The following OSBPL3 variants were observed in gnomAD, a reference collection of about 807,000 sequenced individuals.
OSBPL3 encodes oxysterol binding protein like 3.
Under a neutral mutation model 120.1 loss-of-function variants are expected in OSBPL3, and 65 were observed. The ratio of observed to expected loss-of-function variants is 0.54; its 90% CI spans 0.44 to 0.67. The LOEUF (loss-of-function observed/expected upper bound fraction) is 0.67. OSBPL3 is among the 30% of genes least tolerant of loss of function. OSBPL3 has a pLI of 0.00. For synonymous variants in OSBPL3, 416 were observed against 402.6 expected, an observed-to-expected ratio of 1.03 and a Z score of -0.40; for missense variants, 1,004 against 1,082.1, an observed-to-expected ratio of 0.93 and a Z score of 1.01.
intron 12 of OSBPL3, among the ~76,000 whole-genome samples, chr7:24,842,913 A>G (rs1282716488): frequency 6.6e-6 from 1 of 152,252 alleles, no homozygotes; most frequent in African/African-American, 2.4e-5. Context: ...GTTTTGGTCC[A>G]GAAGCACCCT....
intron 1 of OSBPL3, among the ~76,000 whole-genome samples, 167 bp downstream of exon 1, chr7:24,979,719 C>G (rs774332296): frequency 6.6e-6 from 1 of 152,026 alleles, no homozygotes; most frequent in Non-Finnish European, 1.5e-5. Context: ...CACCCAAGCT[C>G]CCAGGCTTGG....
At position 24,860,370 on chromosome 7, in the gene OSBPL3, A is replaced by G. The variant is rs146369789; in HGVS notation, c.1027+1243T>C. Among the ~76,000 whole-genome samples the G allele has an allele frequency of 8.1e-3, 1,241 of 152,284 alleles. 17 individuals carry two copies. The highest frequency in any genetic ancestry group is 0.029 in the African/African-American group (1,195 of 41,550). On this transcript the variant is annotated intron_variant, in intron 10 of 22. Coordinates refer to ENST00000313367, the MANE Select transcript of OSBPL3 (RefSeq NM_015550.4). ...TTGAATTATAGCTCCCATAATTCCC[A>G]TGTGTTATGGGAGGGACTCAGTGAA...
chr7:24,970,843 T>C (rs1237310048), intron 1 of OSBPL3, among the ~76,000 whole-genome samples: 4 of 152,210 alleles, frequency 2.6e-5, no homozygotes, highest in Non-Finnish European at 5.9e-5. Flanking sequence ...TCCAATTCCA[T>C]GGGTTTGGGC....
chr7:24,950,474 G>A (rs1046389989), intron 1 of OSBPL3, among the ~76,000 whole-genome samples: 7 of 152,250 alleles, frequency 4.6e-5, no homozygotes, highest in African/African-American at 1.7e-4. Context: ...TGTAATCCCA[G>A]CACTTTGGGA....
chr7:24,869,104 C>G (rs2128277842), intron 5 of OSBPL3, among the ~76,000 whole-genome samples: 1 of 152,292 alleles, frequency 6.6e-6, no homozygotes, highest in Non-Finnish European at 1.5e-5. Flanking sequence ...CTTACCTACA[C>G]TAAGAGTCAT....
At chr7:24,801,366 T>A (rs1024370385) in intron 22 of OSBPL3, among the ~76,000 whole-genome samples, 6 of 151,584 alleles carry the variant, frequency 4.0e-5, no homozygotes, top group African/African-American at 9.7e-5. Flanking sequence ...CGCAAAAGGG[T>A]ATACAGCTTC....
At chr7:24,945,136 T>TA (rs1813564781) in intron 1 of OSBPL3, among the ~76,000 whole-genome samples, 1 of 152,120 alleles carries the variant, frequency 6.6e-6, no homozygotes, top group Non-Finnish European at 1.5e-5. Flanking sequence ...AAGGAACAAA[T>TA]AAAAAAGAAA....
At chr7:24,977,031 C>T (rs1381959199) in intron 1 of OSBPL3, among the ~76,000 whole-genome samples, 1 of 152,156 alleles carries the variant, frequency 6.6e-6, no homozygotes, top group Non-Finnish European at 1.5e-5. Context: ...AAGCCTACTG[C>T]AGGAGCTTTT....
chr7:24,882,118 A>G (rs184047475), intron 2 of OSBPL3, among the ~76,000 whole-genome samples: 6 of 152,240 alleles, frequency 3.9e-5, no homozygotes, highest in Admixed American at 2.0e-4. Context: ...TTTCTTTTAA[A>G]ACAGTGTATA....
In OSBPL3 at chr7:24,835,356, C is replaced by T. The variant is rs1796870054; in HGVS notation, c.1496-620G>A. On this transcript the variant is annotated intron_variant, in intron 14 of 22. Transcript: ENST00000313367. This position sits in a 1 kb window ranked among gnomAD's most constrained non-coding sequence, Gnocchi z 4.8. ...ATCATTAGAGAAATGCAAATCAAAA[C>T]CACAATGAGATATCATCTCATACCA... is the stretch of plus-strand genomic sequence containing the variant. 1.3e-5 allele frequency among the ~76,000 whole-genome samples: 2 copies of T among 151,936 alleles called. No individual in the cohort carries two copies. Among genetic ancestry groups the T allele is most frequent in the Admixed American group, 6.6e-5 (1 of 15,252 alleles).
intron 2 of OSBPL3, among the ~76,000 whole-genome samples, chr7:24,892,135 T>C (rs962857427): frequency 1.3e-5 from 2 of 152,136 alleles, no homozygotes; most frequent in African/African-American, 2.4e-5. Flanking sequence ...AAAATCTACA[T>C]TGGGGGACAG....
Position 24,863,202 on chromosome 7 carries a change from G to A in OSBPL3, c.868C>T (p.Gln290Ter). ...CTGTCAGGGGAAGCAATGGTTACCTGCAGTGTTCCTTTAGCATCTTTGCCA... is the reference window on the plus strand; with the variant it reads ...CTGTCAGGGGAAGCAATGGTTACCTACAGTGTTCCTTTAGCATCTTTGCCA... ...AIGKDAKGTLQVPKPFSGPVR... is the reference protein window; with the variant it reads ...AIGKDAKGTL The change falls in exon 9 of 23, where the codon CAG becomes TAG. Residue 290 changes from glutamine to a stop codon, truncating the protein, a stop_gained and splice_region_variant. Transcript: ENST00000313367. LOFTEE classifies it high-confidence loss of function. This position sits in a 1 kb window ranked among gnomAD's most constrained non-coding sequence, Gnocchi z 5.8. 1 of 1,610,824 alleles carries A rather than the reference G, an allele frequency of 6.2e-7. No homozygotes were observed. Among genetic ancestry groups the A allele is most frequent in the Non-Finnish European group, 8.5e-7 (1 of 1,176,998 alleles).
intron 1 of OSBPL3, among the ~76,000 whole-genome samples, chr7:24,941,508 A>C (rs1469285030): frequency 1.3e-5 from 2 of 152,176 alleles, no homozygotes; most frequent in Non-Finnish European, 1.5e-5. Context: ...TGCCACACAC[A>C]GTTGCCAAAT....
At position 24,898,996 on chromosome 7, in the gene OSBPL3, A is replaced by G. The variant is rs1584547119; in HGVS notation, c.-149-6375T>C. ...TCCTAGATTTGCCCTTGGTAACTACATAGAACAAGACAGAACTTTTTTTTA... is the reference window on the plus strand; with the variant it reads ...TCCTAGATTTGCCCTTGGTAACTACGTAGAACAAGACAGAACTTTTTTTTA... On this transcript the variant is annotated intron_variant, in intron 1 of 22. Coordinates refer to ENST00000313367, the MANE Select transcript of OSBPL3 (RefSeq NM_015550.4). This position sits in a 1 kb window ranked among gnomAD's most constrained non-coding sequence, Gnocchi z 4.3. Among the ~76,000 whole-genome samples the G allele has an allele frequency of 6.6e-6, 1 of 152,334 alleles. No individual in the cohort carries two copies. Among genetic ancestry groups the G allele is most frequent in the East Asian group, 1.9e-4 (1 of 5,196 alleles).
chr7:24,969,972 T>C (rs940979722), intron 1 of OSBPL3, among the ~76,000 whole-genome samples: 1 of 152,152 alleles, frequency 6.6e-6, no homozygotes, highest in African/African-American at 2.4e-5. Context: ...CATTTACTTT[T>C]CCCATTACAC....
chr7:24,818,047 CT>C lies in OSBPL3; in HGVS notation c.1949-1360del, dbSNP rs751956764. Among the ~76,000 whole-genome samples, 4 of 152,104 alleles carry C rather than the reference CT, an allele frequency of 2.6e-5. No individual in the cohort carries two copies. The highest frequency in any genetic ancestry group is 5.9e-5 in the Non-Finnish European group (4 of 68,024). On this transcript the variant is annotated intron_variant, in intron 17 of 22. Transcript: ENST00000313367. This position sits in a 1 kb window ranked among gnomAD's most constrained non-coding sequence, Gnocchi z 4.0. ...TGGGGTCCAGGTGAGAGAGGTGGGT[CT>C]GGGACCAGCGAGCACAGTGGGCCTC...
intron 1 of OSBPL3, among the ~76,000 whole-genome samples, chr7:24,945,844 T>C: frequency 6.6e-6 from 1 of 152,236 alleles, no homozygotes; most frequent in Non-Finnish European, 1.5e-5. Context: ...GAGTGATGCA[T>C]AAACAGTTGA....
At position 24,802,378 on chromosome 7, in the gene OSBPL3, C is replaced by T. The variant is rs547476114; in HGVS notation, c.2567+1937G>A. 6.6e-6 allele frequency among the ~76,000 whole-genome samples: 1 copy of T among 152,212 alleles called. No individual in the cohort carries two copies. ...AAGGAGGACTGCTACTGCTGAACAA[C>T]TCTCGCTCTTTCTCCAATTGAAAAA... On this transcript the variant is annotated intron_variant, in intron 22 of 22. Coordinates refer to ENST00000313367, the MANE Select transcript of OSBPL3 (RefSeq NM_015550.4). The surrounding 1 kb of genome is among the most constrained non-coding windows in gnomAD (Gnocchi z 4.1).
At chr7:24,839,597 G>T (rs1304898264) in intron 14 of OSBPL3, among the ~76,000 whole-genome samples, 1 of 152,112 alleles carries the variant, frequency 6.6e-6, no homozygotes, top group Non-Finnish European at 1.5e-5. Flanking sequence ...CTTTTATTAT[G>T]TAAGTCCTAT....
Sources: gnomAD v4.1 joint callset for allele counts (sites outside exome capture counted in the v4.1 genomes callset) on GRCh38, gnomAD v4.1.1 for gene constraint, Gnocchi (gnomAD v3.1) non-coding constraint, MANE v1.5 for transcripts, NCBI Gene and HGNC (gene_info 2026-07-23, HGNC 2026-07-21) for gene names.